Variants in SH3TC2 observed in about 807,000 individuals in gnomAD.
SH3TC2 encodes the protein SH3 domain and tetratricopeptide repeats 2.
Under a neutral mutation model 124.5 loss-of-function variants are expected in SH3TC2, and 87 were observed. The observed-to-expected ratio is 0.70, with a 90% CI of 0.59 to 0.84. The LOEUF (loss-of-function observed/expected upper bound fraction) is 0.84, where lower values mean the gene tolerates loss of function less well. Among genes scored for constraint, SH3TC2 ranks in the 40% least tolerant of loss-of-function variants. The probability of loss-of-function intolerance (pLI) is 0.00; values close to 1 mark genes in which losing one functional copy is unlikely to be tolerated. For missense variants in SH3TC2, 1,536 were observed against 1,566.4 expected (o/e 0.98, Z 0.33); for synonymous variants, 634 against 628.5 (o/e 1.01, Z -0.13).
rs1007706329 is a variant in SH3TC2 at position 149,003,549 on chromosome 5, C to T, written c.*1162G>A. The T allele has an allele frequency of 2.9e-5, 5 of 173,214 alleles. No homozygotes were observed. In the East Asian group the frequency reaches 5.2e-4, roughly 18 times the overall value. 10.7% of individuals were successfully genotyped at this position (173,214 alleles called of 1,614,324 possible). On this transcript the variant is annotated 3_prime_UTR_variant, in exon 17 of 17. Coordinates refer to ENST00000515425, the MANE Select transcript of SH3TC2 (RefSeq NM_024577.4). ...CCAGCTGATTGCAGCCTGTGAACCA[C>T]CCTAAGCTGGTGGGCTCAGCTAAGT...
intron 1 of SH3TC2, among the ~76,000 whole-genome samples, chr5:149,053,810 A>G (rs1754597407): frequency 6.6e-6 from 1 of 151,988 alleles, no homozygotes; most frequent in Non-Finnish European, 1.5e-5. Context: ...TTTTAAAAAT[A>G]TTGCTTCATC....
chr5:149,027,919 G>A lies in SH3TC2; in HGVS notation c.1813C>T (p.Arg605Cys), dbSNP rs778936762. The A allele has an allele frequency of 2.0e-5, 32 of 1,613,928 alleles. No individual in the cohort carries two copies. Among genetic ancestry groups the A allele is most frequent in the Middle Eastern group, 1.6e-4 (1 of 6,084 alleles). ...AGTTCATGCTTGGCACTAGACTCAC[G>A]GTCAGGCAGGCAGGCCAGCAGGGCA... The part of the protein sequence containing the change: ...AGALLACLPD[R>C]ESSAKHELDV... Residue 605 changes from arginine (R) to cysteine (C), a missense_variant, in exon 11 of 17, where the codon CGT becomes TGT. Arg to Cys is a radical substitution (Grantham distance 180, BLOSUM62 -3). Coordinates refer to ENST00000515425, the MANE Select transcript of SH3TC2 (RefSeq NM_024577.4).
Position 149,042,277 on chromosome 5 carries a change from C to G in SH3TC2, c.529+417G>C, listed in dbSNP as rs569206540. 4.6e-5 allele frequency among the ~76,000 whole-genome samples: 7 copies of G among 152,320 alleles called. No homozygotes were observed. The East Asian group carries it at 1.3e-3, about 29-fold the overall frequency. Reference sequence around the variant, plus strand: ...CTTTCCTCACTTTCATAAAAAACTTCAAGTTTTGCAACATTTGCAACTTTA... The same window carrying G: ...CTTTCCTCACTTTCATAAAAAACTTGAAGTTTTGCAACATTTGCAACTTTA... On this transcript the variant is annotated intron_variant, in intron 5 of 16. Transcript: ENST00000515425.
At chr5:149,010,772 T>G (rs79033078) in intron 13 of SH3TC2, among the ~76,000 whole-genome samples, 1 of 152,228 alleles carries the variant, frequency 6.6e-6, no homozygotes, top group Admixed American at 6.5e-5. Flanking sequence ...CTACGTTGAT[T>G]TGATGTTGAG....
chr5:149,058,415 T>C (rs1754687883), intron 1 of SH3TC2, among the ~76,000 whole-genome samples: 1 of 152,190 alleles, frequency 6.6e-6, no homozygotes, highest in Admixed American at 6.5e-5. Context: ...TATCTGATTG[T>C]TTCAATGTGC....
In SH3TC2 at chr5:149,040,676, A is replaced by G; in HGVS notation, c.733T>C (p.Trp245Arg). ...LEPLPLPFHQ[W>R]FLKNYPGSCG... ...CTTCCTGGATAATTCTTTAGGAACC[A>G]CCTGCCAATGAAAACATGGGGTTTG... Residue 245 changes from tryptophan (W) to arginine (R), a missense_variant and splice_region_variant, in exon 7 of 17, where the codon TGG (tryptophan) becomes CGG (arginine). Around this residue, in one of 3 missense-constraint regions of SH3TC2, gnomAD observed 1,102 missense variants for 1,098.6 expected, o/e 1.00. Transcript: ENST00000515425. 1 of 1,613,094 alleles carries G rather than the reference A, an allele frequency of 6.2e-7. No homozygotes were observed. Among genetic ancestry groups the G allele is most frequent in the Admixed American group, 1.7e-5 (1 of 60,012 alleles).
At chr5:149,060,732 C>T (rs1462574909) in intron 1 of SH3TC2, among the ~76,000 whole-genome samples, 2 of 152,154 alleles carry the variant, frequency 1.3e-5, no homozygotes, top group African/African-American at 4.8e-5. Context: ...AACGATAAAA[C>T]AGCCTGTAGT....
In SH3TC2 at chr5:148,996,052, G is replaced by T. The variant is rs1347849734; in HGVS notation, c.*8659C>A. ...AGCCCAGGAGTTTGAGACTAGCATGGGCAACATGGTGGAAACCCATCTCTA... is the reference window on the plus strand; with the variant it reads ...AGCCCAGGAGTTTGAGACTAGCATGTGCAACATGGTGGAAACCCATCTCTA... On this transcript the variant is annotated 3_prime_UTR_variant, in exon 17 of 17. Transcript: ENST00000515425. Among the ~76,000 whole-genome samples, 3 of 151,706 alleles carry T rather than the reference G, an allele frequency of 2.0e-5. No homozygotes were observed. The East Asian group carries it at 5.8e-4, about 29-fold the overall frequency.
Position 149,004,618 on chromosome 5 carries a change from A to G in SH3TC2, c.*93T>C. On this transcript the variant is annotated 3_prime_UTR_variant, in exon 17 of 17. Coordinates refer to ENST00000515425, the MANE Select transcript of SH3TC2 (RefSeq NM_024577.4). The stretch of plus-strand genomic sequence containing the variant: ...TGAAATGAGGGGGCTAGGCCAGGTA[A>G]GGACTCGGACCCTCCCAATGAGTAT... 1 of 1,367,562 alleles carries G rather than the reference A, an allele frequency of 7.3e-7. No individual in the cohort carries two copies. Among genetic ancestry groups the G allele is most frequent in the South Asian group, 1.4e-5 (1 of 72,148 alleles). 84.7% of individuals were successfully genotyped at this position (1,367,562 alleles called of 1,614,324 possible). A position where few individuals can be genotyped will look rare whatever the true frequency, so the allele number is the denominator to read the frequency against.
chr5:149,012,832 A>G lies in SH3TC2; in HGVS notation c.3054-98T>C, dbSNP rs1046174525. Reference sequence around the variant, plus strand: ...ACAGAAGCTCTGAGCAGGAACAGCCATGTCCCACATCACACAGGGAGGTGG... The same window carrying G: ...ACAGAAGCTCTGAGCAGGAACAGCCGTGTCCCACATCACACAGGGAGGTGG... On this transcript the variant is annotated intron_variant, in intron 12 of 16. Transcript: ENST00000515425. The G allele has an allele frequency of 5.2e-5, 72 of 1,373,172 alleles. No homozygotes were observed. The African/African-American group carries it at 7.7e-4, about 15-fold the overall frequency. 85.1% of individuals were successfully genotyped at this position (1,373,172 alleles called of 1,614,324 possible).
intron 9 of SH3TC2, among the ~76,000 whole-genome samples, chr5:149,029,320 C>T (rs900731958): frequency 6.6e-6 from 1 of 152,168 alleles, no homozygotes; most frequent in Non-Finnish European, 1.5e-5. Context: ...TAAAAAGGAG[C>T]AAGGATGCAT....
intron 8 of SH3TC2, among the ~76,000 whole-genome samples, chr5:149,037,700 T>C (rs1414015912): frequency 6.6e-6 from 1 of 152,186 alleles, no homozygotes; most frequent in African/African-American, 2.4e-5. Flanking sequence ...GATATCTCTG[T>C]CCTTCCATGA....
chr5:149,042,765 T>C lies in SH3TC2; in HGVS notation c.458A>G (p.Asp153Gly). ...KYWLNCILVEDTEIQVSVDDK... is the reference protein window; with the variant it reads ...KYWLNCILVEGTEIQVSVDDK... ...ATCTACAGACACTTGGATCTCTGTATCCTCCACCAATATGCAGTTGAGCCA... is the reference window on the plus strand; with the variant it reads ...ATCTACAGACACTTGGATCTCTGTACCCTCCACCAATATGCAGTTGAGCCA... The change falls in exon 5 of 17, where the codon GAT becomes GGT. Residue 153 changes from aspartate (D) to glycine (G), a missense_variant. Coordinates refer to ENST00000515425, the MANE Select transcript of SH3TC2 (RefSeq NM_024577.4). 2 of 1,614,142 alleles carry C rather than the reference T, an allele frequency of 1.2e-6. No individual in the cohort carries two copies. The highest frequency in any genetic ancestry group is 1.7e-6 in the Non-Finnish European group (2 of 1,179,994).
At position 149,038,234 on chromosome 5, in the gene SH3TC2, A is replaced by T. The variant is rs185270143; in HGVS notation, c.1001+61T>A. The T allele has an allele frequency of 4.6e-5, 72 of 1,561,348 alleles. 1 individual carries two copies. In the African/African-American group the frequency reaches 6.5e-4, roughly 14 times the overall value. On this transcript the variant is annotated intron_variant, in intron 8 of 16. Coordinates refer to ENST00000515425, the MANE Select transcript of SH3TC2 (RefSeq NM_024577.4). ...AGCTCAACTGCAAATCTGCTCAAAG[A>T]GGGGAGGGAACCCTGGGAAAGGGAG...
chr5:149,004,904 T>C lies in SH3TC2; in HGVS notation c.3676-2A>G. The C allele has an allele frequency of 6.2e-7, 1 of 1,614,156 alleles. No individual in the cohort carries two copies. Among genetic ancestry groups the C allele is most frequent in the Non-Finnish European group, 8.5e-7 (1 of 1,180,016 alleles). On this transcript the variant is annotated splice_acceptor_variant, in intron 16 of 16. Coordinates refer to ENST00000515425, the MANE Select transcript of SH3TC2 (RefSeq NM_024577.4). LOFTEE classifies it high-confidence loss of function. Reference sequence around the variant, plus strand: ...GTACTCAGTGGCATCATGGGCATCCTAACCCCGTGGTATGGGGGCAAAGAA... The same window carrying C: ...GTACTCAGTGGCATCATGGGCATCCCAACCCCGTGGTATGGGGGCAAAGAA...
chr5:148,999,494 T>C lies in SH3TC2; in HGVS notation c.*5217A>G, dbSNP rs888456989. 3.9e-5 allele frequency among the ~76,000 whole-genome samples: 6 copies of C among 152,134 alleles called. No homozygotes were observed. The highest frequency in any genetic ancestry group is 1.4e-4 in the African/African-American group (6 of 41,414). On this transcript the variant is annotated 3_prime_UTR_variant, in exon 17 of 17. Transcript: ENST00000515425. ...CATTCCCTTGAATTTCTTCCTTCTT[T>C]GCCGCTTGTCCACACATCTCAATGG...
intron 3 of SH3TC2, 56 bp from the exon 4 acceptor site, chr5:149,044,694 G>T: frequency 7.4e-7 from 1 of 1,343,692 alleles, no homozygotes; most frequent in South Asian, 1.2e-5. Flanking sequence ...CCATTAGCAA[G>T]CTCTTATATA....
Position 149,044,653 on chromosome 5 carries a change from C to A in SH3TC2, c.280-15G>T, listed in dbSNP as rs781697016. 1 of 1,600,672 alleles carries A rather than the reference C, an allele frequency of 6.2e-7. No homozygotes were observed. On this transcript the variant is annotated splice_polypyrimidine_tract_variant and intron_variant, in intron 3 of 16. Coordinates refer to ENST00000515425, the MANE Select transcript of SH3TC2 (RefSeq NM_024577.4). ...GCTGAGAGGTCCTACGTAAAGGAAA[C>A]AATGAGTCAGCCTGGGATGACAGAA...
Position 149,041,453 on chromosome 5 carries a change from C to A in SH3TC2, c.694G>T (p.Val232Leu), listed in dbSNP as rs1754369645. 2.5e-6 allele frequency: 4 copies of A among 1,613,582 alleles called. No homozygotes were observed. Among genetic ancestry groups the A allele is most frequent in the Non-Finnish European group, 3.4e-6 (4 of 1,180,022 alleles). Residue 232 changes from valine (V) to leucine (L), a missense_variant, in exon 6 of 17, where the codon GTG becomes TTG. Val to Leu is a conservative substitution (Grantham distance 32). Transcript: ENST00000515425. ...LVTGQRGLVL[V>L]SALEPLPLPF... is the part of the protein sequence containing the mutation. ...AGAGGCAGAGGCTCCAAGGCTGACA[C>A]CAGTACCAGGCCCCGCTGACCTGTC...
Sources: gnomAD v4.1 joint callset for allele counts (sites outside exome capture counted in the v4.1 genomes callset) on GRCh38, gnomAD v4.1.1 for gene constraint, gnomAD v4.1.1 regional missense constraint, MANE v1.5 for transcripts, NCBI Gene and HGNC (gene_info 2026-07-23, HGNC 2026-07-21) for gene names.